WSB1: variants seen among roughly 807,000 people sequenced by gnomAD.
The protein encoded by WSB1 is WD repeat and SOCS box containing 1.
A neutral mutation model predicts 50.2 loss-of-function variants in WSB1; 23 were observed. The observed-to-expected ratio is 0.46, with a 90% CI of 0.33 to 0.65. The LOEUF (loss-of-function observed/expected upper bound fraction) is 0.65, where lower values mean the gene tolerates loss of function less well. Ranked by LOEUF, WSB1 falls within the 30% of genes least tolerant of loss-of-function variation. The probability of loss-of-function intolerance (pLI) is 0.02; values close to 1 mark genes in which losing one functional copy is unlikely to be tolerated. For missense variants in WSB1, 492 were observed against 522.3 expected (o/e 0.94, Z 0.56); for synonymous variants, 179 against 172.0 (o/e 1.04, Z -0.32).
chr17:27,304,490 G>C (rs1394068439), intron 3 of WSB1, among the ~76,000 whole-genome samples: 1 of 131,838 alleles, frequency 7.6e-6, no homozygotes, highest in Non-Finnish European at 1.5e-5. Context: ...CTTGAGCCCA[G>C]GAGTTTTAGA....
At position 27,309,219 on chromosome 17, in the gene WSB1, T is replaced by C; in HGVS notation, c.831T>C (p.Asp277=). The change falls in exon 6 of 9, where the codon GAT becomes GAC. Residue 277 remains aspartate, a synonymous_variant. Transcript: ENST00000262394. ...CATTACTGGCTACTGCATCTTATGA[T>C]ACTCGAGTATATATCTGGGATCCAC... ...DGALLATASY[D]TRVYIWDPHN... 1 of 1,612,560 alleles carries C rather than the reference T, an allele frequency of 6.2e-7. No individual in the cohort carries two copies. The highest frequency in any genetic ancestry group is 1.3e-5 in the African/African-American group (1 of 75,058).
At chr17:27,295,676 A>G (rs1187014344) in intron 1 of WSB1, among the ~76,000 whole-genome samples, 1 of 152,210 alleles carries the variant, frequency 6.6e-6, no homozygotes, top group Non-Finnish European at 1.5e-5. Context: ...GTATGTCGCG[A>G]AGTGGGACAA....
intron 1 of WSB1, among the ~76,000 whole-genome samples, chr17:27,294,765 G>A (rs2016880710): frequency 6.6e-6 from 1 of 152,174 alleles, no homozygotes; most frequent in Admixed American, 6.5e-5. Flanking sequence ...ACAGGGAAGG[G>A]CCACTCAGGG....
chr17:27,311,335 T>C (rs982706696), intron 7 of WSB1, among the ~76,000 whole-genome samples, 174 bp from the exon 8 acceptor site: 2 of 152,210 alleles, frequency 1.3e-5, no homozygotes, highest in Admixed American at 6.5e-5. Flanking sequence ...CCAACTGATA[T>C]TATAGACCTT....
chr17:27,303,728 T>A (rs2017331407), intron 3 of WSB1, 93 bp downstream of exon 3: 2 of 1,466,824 alleles, frequency 1.4e-6, no homozygotes, highest in African/African-American at 2.8e-5. Flanking sequence ...GATTTCAGCT[T>A]ACTGAAAAGC....
At chr17:27,310,425 A>T (rs1176612888) in intron 7 of WSB1, among the ~76,000 whole-genome samples, 3 of 139,752 alleles carry the variant, frequency 2.1e-5, no homozygotes, top group African/African-American at 7.6e-5. Context: ...CTTTTAGCCC[A>T]GCTTACAGAG....
chr17:27,312,579 A>T lies in WSB1; in HGVS notation c.*210A>T. ...GAACATATCAAATATAAATTTTTTT[A>T]AAGATCTAACTGTGAAAACATACAT... On this transcript the variant is annotated 3_prime_UTR_variant, in exon 9 of 9. Coordinates refer to ENST00000262394, the MANE Select transcript of WSB1 (RefSeq NM_015626.10). 1.7e-6 allele frequency: 1 copy of T among 605,882 alleles called. No homozygotes were observed. Among genetic ancestry groups the T allele is most frequent in the Non-Finnish European group, 2.6e-6 (1 of 380,198 alleles). 37.5% of individuals were successfully genotyped at this position (605,882 alleles called of 1,614,324 possible).
Position 27,312,193 on chromosome 17 carries a change from G to A in WSB1, c.1107-17G>A. 1.3e-6 allele frequency: 2 copies of A among 1,595,074 alleles called. No homozygotes were observed. Among genetic ancestry groups the A allele is most frequent in the Non-Finnish European group, 1.7e-6 (2 of 1,172,478 alleles). ...CATATACTTGGGTGACTAAGCATGT[G>A]CTTTGTTTCTGTTTAGGACACATGA... On this transcript the variant is annotated splice_polypyrimidine_tract_variant and intron_variant, in intron 8 of 8. Coordinates refer to ENST00000262394, the MANE Select transcript of WSB1 (RefSeq NM_015626.10).
Position 27,312,325 on chromosome 17 carries a change from C to T in WSB1, c.1222C>T (p.Pro408Ser). The T allele has an allele frequency of 6.2e-7, 1 of 1,614,110 alleles. No homozygotes were observed. Among genetic ancestry groups the T allele is most frequent in the Non-Finnish European group, 8.5e-7 (1 of 1,179,998 alleles). The change falls in exon 9 of 9, where the codon CCG becomes TCG. Residue 408 changes from proline to serine, a missense_variant. Physicochemically the swap from Pro to Ser is moderately conservative, Grantham distance 74. Coordinates refer to ENST00000262394, the MANE Select transcript of WSB1 (RefSeq NM_015626.10). ...GCCCACCCAAGAAGTTCAGGAGCTG[C>T]CGATTCCTTCCAAGCTTTTGGAGTT... ...VMPTQEVQELPIPSKLLEFLS... is the reference protein window; with the variant it reads ...VMPTQEVQELSIPSKLLEFLS...
chr17:27,309,280 C>T lies in WSB1; in HGVS notation c.884+8C>T. 1 of 1,569,634 alleles carries T rather than the reference C, an allele frequency of 6.4e-7. No homozygotes were observed. The highest frequency in any genetic ancestry group is 8.7e-7 in the Non-Finnish European group (1 of 1,154,368). On this transcript the variant is annotated splice_region_variant and intron_variant, in intron 6 of 8. Coordinates refer to ENST00000262394, the MANE Select transcript of WSB1 (RefSeq NM_015626.10). ...CATTCTGATGGAATTTGGGTGGGTA[C>T]AGCATGAATTATTTTAGTCTATAAT...
chr17:27,309,550 CA>C (rs1211414650), intron 6 of WSB1, among the ~76,000 whole-genome samples: 1 of 151,928 alleles, frequency 6.6e-6, no homozygotes, highest in Non-Finnish European at 1.5e-5. Context: ...CAGTTAAAAC[CA>C]AAGTTGGACT....
rs2017801706 is a variant in WSB1, at chr17:27,314,915, C to T, written c.*2546C>T. On this transcript the variant is annotated 3_prime_UTR_variant, in exon 9 of 9. Coordinates refer to ENST00000262394, the MANE Select transcript of WSB1 (RefSeq NM_015626.10). Reference sequence around the variant, plus strand: ...ACTCCTGACCTCGTGATCCGCCCGCCTCGGCCTCCCAGAGTGCTGGGATTA... The same window carrying T: ...ACTCCTGACCTCGTGATCCGCCCGCTTCGGCCTCCCAGAGTGCTGGGATTA... 6.6e-6 allele frequency: 1 copy of T among 152,214 alleles called. No individual in the cohort carries two copies. The highest frequency in any genetic ancestry group is 6.5e-5 in the Admixed American group (1 of 15,286). 9.4% of individuals were successfully genotyped at this position (152,214 alleles called of 1,614,324 possible).
intron 2 of WSB1, 173 bp downstream of exon 2, chr17:27,302,129 G>T: frequency 8.2e-6 from 7 of 850,024 alleles, no homozygotes; most frequent in Non-Finnish European, 1.1e-5. Context: ...GAATTCTTTG[G>T]GCCGGGCGCG....
chr17:27,299,807 A>G (rs1312340146), intron 1 of WSB1, among the ~76,000 whole-genome samples: 1 of 152,208 alleles, frequency 6.6e-6, no homozygotes, highest in Non-Finnish European at 1.5e-5. Flanking sequence ...TATAAATGCC[A>G]TATGAGGATA....
intron 1 of WSB1, among the ~76,000 whole-genome samples, chr17:27,297,631 A>T (rs897272293): frequency 6.6e-6 from 1 of 151,906 alleles, no homozygotes; most frequent in East Asian, 1.9e-4. Flanking sequence ...AATTTTTTAA[A>T]TTTTTTGTAG....
Position 27,308,536 on chromosome 17 carries a change from G to A in WSB1, c.712-564G>A, listed in dbSNP as rs116087866. ...TGTAATGTGGTTTAACATCCTTGTT[G>A]TTTGCCAAAGAAATTTCATTTGGCT... On this transcript the variant is annotated intron_variant, in intron 5 of 8. Coordinates refer to ENST00000262394, the MANE Select transcript of WSB1 (RefSeq NM_015626.10). 2.0e-3 allele frequency: 1,930 copies of A among 985,698 alleles called. 29 individuals are homozygous for A. The African/African-American group carries it at 0.031, about 16-fold the overall frequency. The allele number at this position is 985,698 out of a possible 1,614,324, so 61.1% of individuals were successfully genotyped here. A position where few individuals can be genotyped will look rare whatever the true frequency, so the allele number is the denominator to read the frequency against.
Position 27,301,822 on chromosome 17 carries a change from T to G in WSB1, c.75T>G (p.Pro25=). Reference sequence around the variant, plus strand: ...GTACTATAGGTGAACTTTTAGCTCCTGCAGCTCCTTTTGACAAGAAATGTG... The same window carrying G: ...GTACTATAGGTGAACTTTTAGCTCCGGCAGCTCCTTTTGACAAGAAATGTG... ...RLRTIGELLA[P]AAPFDKKCGR... The change falls in exon 2 of 9, where the codon CCT becomes CCG. Residue 25 remains proline (P), a synonymous_variant. Transcript: ENST00000262394. The G allele has an allele frequency of 6.2e-7, 1 of 1,614,160 alleles. No individual in the cohort carries two copies. The highest frequency in any genetic ancestry group is 8.5e-7 in the Non-Finnish European group (1 of 1,180,014).
intron 5 of WSB1, chr17:27,307,934 C>G (rs772097884): frequency 1.9e-5 from 24 of 1,248,592 alleles, no homozygotes; most frequent in Non-Finnish European, 2.4e-5. Context: ...TGGTCGATGT[C>G]CACTTTCTGC....
intron 1 of WSB1, among the ~76,000 whole-genome samples, chr17:27,300,642 C>T (rs1313679547): frequency 4.0e-5 from 6 of 151,324 alleles, no homozygotes; most frequent in African/African-American, 1.5e-4. Context: ...ATTAGGAAGA[C>T]TCTTAAGGAC....
Sources: allele counts gnomAD v4.1 joint callset (sites outside exome capture counted in the v4.1 genomes callset), GRCh38; gene constraint gnomAD v4.1.1; transcripts MANE v1.5; gene names NCBI Gene and HGNC (gene_info 2026-07-23, HGNC 2026-07-21).